Variants in TTC6 observed in about 807,000 individuals in gnomAD.
The protein encoded by TTC6 is tetratricopeptide repeat domain 6, also known as tetratricopeptide repeat protein 6.
Under a neutral mutation model 210.4 loss-of-function variants are expected in TTC6, and 172 were observed. The ratio of observed to expected loss-of-function variants is 0.82; its 90% confidence interval spans 0.72 to 0.93. The LOEUF (loss-of-function observed/expected upper bound fraction) is 0.93. Among genes scored for constraint, TTC6 ranks in the 40% least tolerant of loss-of-function variants. TTC6 has a pLI of 0.00. For synonymous variants in TTC6, 804 were observed against 819.6 expected, an observed-to-expected ratio of 0.98 and a Z score of 0.32; for missense variants, 2,414 against 2,318.1, an observed-to-expected ratio of 1.04 and a Z score of -0.85.
At chr14:37,631,200 T>C (rs1050130568) in intron 1 of TTC6, among the ~76,000 whole-genome samples, 14 of 152,052 alleles carry the variant, frequency 9.2e-5, no homozygotes, top group Non-Finnish European at 1.6e-4. Context: ...AGTTTCTTCA[T>C]AGTGTTGATG....
chr14:37,819,430 T>G (rs2096150375), intron 26 of TTC6, among the ~76,000 whole-genome samples: 1 of 152,200 alleles, frequency 6.6e-6, no homozygotes, highest in Non-Finnish European at 1.5e-5. Flanking sequence ...GGCTTTGATC[T>G]TTGATCTCGT....
intron 2 of TTC6, among the ~76,000 whole-genome samples, 188 bp downstream of exon 4, chr14:37,680,449 A>G (rs1340691441): frequency 6.6e-6 from 1 of 152,122 alleles, no homozygotes; most frequent in African/African-American, 2.4e-5. Flanking sequence ...GTTGCTGGCT[A>G]CCATGGACCT....
intron 2 of TTC6, among the ~76,000 whole-genome samples, chr14:37,615,767 CTTTT>C (rs1224139785): frequency 6.6e-6 from 1 of 151,722 alleles, no homozygotes; most frequent in Non-Finnish European, 1.5e-5. Context: ...TTTTCTTTTT[CTTTT>C]TATTAATCTC....
chr14:37,599,217 C>T (rs902569203), intron 1 of TTC6, among the ~76,000 whole-genome samples: 1 of 152,234 alleles, frequency 6.6e-6, no homozygotes, highest in African/African-American at 2.4e-5. Context: ...AGGGTTCGAA[C>T]TCCGTTCCTT....
chr14:37,656,087 A>G (rs1027891912), intron 1 of TTC6, among the ~76,000 whole-genome samples: 3 of 152,172 alleles, frequency 2.0e-5, no homozygotes, highest in Non-Finnish European at 2.9e-5. Context: ...TTTGGAAACA[A>G]ACAAATGTCA....
chr14:37,790,583 C>A, intron 15 of TTC6, 134 bp from the exon 18 acceptor site: 1 of 709,492 alleles, frequency 1.4e-6, no homozygotes, highest in South Asian at 1.9e-5. Context: ...CAAGTACACT[C>A]ATCATAGATA....
At chr14:37,596,118 C>A (rs2095603866) in intron 1 of TTC6, 110 bp downstream of exon 1, 2 of 152,176 alleles carry the variant, frequency 1.3e-5, no homozygotes, top group African/African-American at 4.8e-5. Context: ...GAGGAAGAAA[C>A]TGAGAGCAGA....
chr14:37,751,416 A>C (rs1468212023), intron 13 of TTC6, among the ~76,000 whole-genome samples, 191 bp downstream of exon 15: 1 of 152,126 alleles, frequency 6.6e-6, no homozygotes, highest in East Asian at 1.9e-4. Flanking sequence ...TTATTTTTTA[A>C]ATGGTGAATG....
chr14:37,842,121 A>G (rs1326690632), intron 30 of TTC6, 34 bp from the exon 33 acceptor site: 1 of 1,467,908 alleles, frequency 6.8e-7, no homozygotes, highest in Non-Finnish European at 9.0e-7. Context: ...TTGAGTGCCA[A>G]CTTAAATATA....
chr14:37,714,831 C>T (rs2045735879), intron 6 of TTC6, 35 bp downstream of exon 8: 2 of 1,514,300 alleles, frequency 1.3e-6, no homozygotes, highest in African/African-American at 1.4e-5. Context: ...TTTTTTGTAC[C>T]TCACAGGTCC....
exon 18 of TTC6, chr14:37,795,270 T>C: frequency 1.3e-6 from 2 of 1,529,300 alleles, no homozygotes; most frequent in Non-Finnish European, 1.7e-6. Context: ...CACTCAACAG[T>C]TGCATAAATT....
intron 6 of TTC6, among the ~76,000 whole-genome samples, chr14:37,717,177 G>C (rs2095854168): frequency 6.8e-6 from 1 of 147,014 alleles, no homozygotes; most frequent in Admixed American, 6.8e-5. Context: ...CCCAAAAAAA[G>C]AGCAAAATGA....
chr14:37,773,639 A>G (rs55712036), intron 14 of TTC6, among the ~76,000 whole-genome samples: 24,960 of 152,068 alleles, frequency 0.16, 2,213 homozygotes, highest in East Asian at 0.34. Flanking sequence ...TACCAGTACC[A>G]TGCTGTTTTG....
chr14:37,795,375 CTTCTTGGGA>C (rs1362988855), intron 18 of TTC6, 23 bp downstream of exon 20: 7 of 1,448,872 alleles, frequency 4.8e-6, no homozygotes, highest in Non-Finnish European at 6.5e-6. Context: ...AAACTGAATT[CTTCTTGGGA>C]TAACTTAGCA....
chr14:37,680,951 G>A (rs1222082193), intron 2 of TTC6, among the ~76,000 whole-genome samples: 1 of 152,092 alleles, frequency 6.6e-6, no homozygotes, highest in Non-Finnish European at 1.5e-5. Flanking sequence ...ATCATGTTCA[G>A]AAAGTGCATG....
intron 6 of TTC6, among the ~76,000 whole-genome samples, chr14:37,718,839 G>A (rs1037925984): frequency 6.6e-6 from 1 of 152,122 alleles, no homozygotes; most frequent in African/African-American, 2.4e-5. Flanking sequence ...CTGGGAGGGT[G>A]AGGTGGGAAG....
chr14:37,700,910 T>A (rs1192503090), intron 4 of TTC6, among the ~76,000 whole-genome samples: 1 of 152,096 alleles, frequency 6.6e-6, no homozygotes, highest in African/African-American at 2.4e-5. Context: ...GATAATGCCC[T>A]ACCTATATTG....
chr14:37,830,257 T>C (rs921632095), intron 29 of TTC6, among the ~76,000 whole-genome samples: 2 of 152,132 alleles, frequency 1.3e-5, no homozygotes, highest in African/African-American at 4.8e-5. Context: ...CTTGCTCTTT[T>C]TTGTCAAGAT....
At chr14:37,824,855 C>A (rs1400580277) in intron 27 of TTC6, among the ~76,000 whole-genome samples, 1 of 151,914 alleles carries the variant, frequency 6.6e-6, no homozygotes, top group Non-Finnish European at 1.5e-5. Context: ...GACAAGAGGG[C>A]CCAAGTGAAT....
Sources: gnomAD v4.1 joint callset for allele counts (sites outside exome capture counted in the v4.1 genomes callset) on GRCh38, gnomAD v4.1.1 for gene constraint, MANE v1.5 for transcripts, NCBI Gene and HGNC (gene_info 2026-07-23, HGNC 2026-07-21) for gene names.